Variants in GRIK2 observed in about 807,000 individuals in gnomAD.
The protein encoded by GRIK2 is glutamate ionotropic receptor kainate type subunit 2.
Under a neutral mutation model 100.3 loss-of-function variants are expected in GRIK2, and 32 were observed. The observed-to-expected ratio is 0.32, with a 90% confidence interval of 0.24 to 0.43. GRIK2 has a LOEUF of 0.43. GRIK2 is among the 20% of genes least tolerant of loss of function. The pLI is 1.00. For synonymous variants in GRIK2, 417 were observed against 389.4 expected (o/e 1.07, Z -0.83); for missense variants, 843 against 1,114.9 (o/e 0.76, Z 3.47).
chr6:101,717,562 A>G (rs1774159181), intron 7 of GRIK2, among the ~76,000 whole-genome samples: 1 of 151,822 alleles, frequency 6.6e-6, no homozygotes, highest in Admixed American at 6.6e-5. Flanking sequence ...GAATTAAGAT[A>G]TGGCTTTGCC....
chr6:101,956,216 C>T (rs1472984955), intron 14 of GRIK2, among the ~76,000 whole-genome samples: 2 of 151,776 alleles, frequency 1.3e-5, no homozygotes, highest in African/African-American at 4.8e-5. Flanking sequence ...TTGTTTTTAC[C>T]CTTTGGCCTA....
At chr6:101,732,899 G>A (rs1238138532) in intron 7 of GRIK2, among the ~76,000 whole-genome samples, 1 of 152,012 alleles carries the variant, frequency 6.6e-6, no homozygotes, top group African/African-American at 2.4e-5. Flanking sequence ...CCATACTGGA[G>A]AGAAAGAGAG....
At chr6:101,500,145 C>T (rs887016971) in intron 2 of GRIK2, among the ~76,000 whole-genome samples, 5 of 151,822 alleles carry the variant, frequency 3.3e-5, no homozygotes, top group South Asian at 2.1e-4. Context: ...GGATTAAAGG[C>T]CTTAAAGTAA....
chr6:101,968,228 A>G (rs948269753), intron 14 of GRIK2, among the ~76,000 whole-genome samples: 2 of 152,108 alleles, frequency 1.3e-5, no homozygotes, highest in Admixed American at 6.6e-5. Context: ...GAGAATTTTA[A>G]GGACATAAAC....
chr6:102,002,071 T>A (rs1364155128), intron 14 of GRIK2, among the ~76,000 whole-genome samples: 1 of 151,496 alleles, frequency 6.6e-6, no homozygotes, highest in Non-Finnish European at 1.5e-5. Flanking sequence ...TCCTTCAGGT[T>A]TTGTCTAAGC....
At chr6:101,416,105 A>C (rs1776127760) in intron 2 of GRIK2, among the ~76,000 whole-genome samples, 1 of 152,130 alleles carries the variant, frequency 6.6e-6, no homozygotes, top group African/African-American at 2.4e-5. Flanking sequence ...CTGTCTCTTC[A>C]AGGGTGGTTG....
At chr6:102,034,236 C>T (rs1418102558) in intron 14 of GRIK2, among the ~76,000 whole-genome samples, 2 of 151,236 alleles carry the variant, frequency 1.3e-5, no homozygotes, top group Non-Finnish European at 3.0e-5. Flanking sequence ...GTACTTATTT[C>T]CATTTTATCA....
intron 2 of GRIK2, among the ~76,000 whole-genome samples, chr6:101,571,629 A>C (rs1777535844): frequency 6.6e-6 from 1 of 152,118 alleles, no homozygotes; most frequent in Non-Finnish European, 1.5e-5. Context: ...TTTATAGCTT[A>C]ATAAATTAAA....
chr6:101,631,292 G>A (rs1436583233), intron 4 of GRIK2, among the ~76,000 whole-genome samples: 2 of 152,058 alleles, frequency 1.3e-5, no homozygotes, highest in Admixed American at 6.6e-5. Flanking sequence ...TCCAGAATAA[G>A]TTGTTCATAT....
chr6:101,874,065 T>C (rs1340664837), intron 11 of GRIK2, among the ~76,000 whole-genome samples: 1 of 152,202 alleles, frequency 6.6e-6, no homozygotes, highest in Admixed American at 6.5e-5. Flanking sequence ...ACTCTGATAG[T>C]AGTTTCTTTT....
At chr6:101,967,487 C>T (rs2128484724) in intron 14 of GRIK2, among the ~76,000 whole-genome samples, 1 of 152,026 alleles carries the variant, frequency 6.6e-6, no homozygotes, top group South Asian at 2.1e-4. Flanking sequence ...TTAAGAGATG[C>T]CACAATTTAA....
intron 2 of GRIK2, among the ~76,000 whole-genome samples, chr6:101,594,842 A>C (rs1778834235): frequency 6.6e-6 from 1 of 151,798 alleles, no homozygotes; most frequent in African/African-American, 2.4e-5. Context: ...GGTGAATTAC[A>C]GGGAATCAGA....
At chr6:102,051,821 T>C (rs1771215067) in intron 15 of GRIK2, among the ~76,000 whole-genome samples, 1 of 152,216 alleles carries the variant, frequency 6.6e-6, no homozygotes, top group African/African-American at 2.4e-5. Context: ...GACACATTTA[T>C]AATTTCCTTA....
chr6:101,871,534 C>A (rs1352797558), intron 11 of GRIK2, among the ~76,000 whole-genome samples: 2 of 150,894 alleles, frequency 1.3e-5, no homozygotes, highest in Non-Finnish European at 2.9e-5. Context: ...GCCCCCTTTG[C>A]CCCAACTCTA....
At chr6:102,043,394 G>T (rs1770702143) in intron 15 of GRIK2, among the ~76,000 whole-genome samples, 1 of 151,534 alleles carries the variant, frequency 6.6e-6, no homozygotes, top group South Asian at 2.1e-4. Context: ...TCTTATCTGA[G>T]ATTTTTTACC....
intron 11 of GRIK2, among the ~76,000 whole-genome samples, chr6:101,870,416 C>T (rs1204986404): frequency 6.6e-6 from 1 of 151,628 alleles, no homozygotes; most frequent in Non-Finnish European, 1.5e-5. Flanking sequence ...AGGAATATGC[C>T]ACAAATGGAT....
chr6:101,836,661 A>ATATTT (rs1246261796), intron 10 of GRIK2, among the ~76,000 whole-genome samples: 12 of 57,812 alleles, frequency 2.1e-4, no homozygotes, highest in Admixed American at 6.6e-4. Flanking sequence ...ATATATATAT[A>ATATTT]TTTTTTTTTT....
intron 2 of GRIK2, among the ~76,000 whole-genome samples, chr6:101,411,050 T>G (rs1362383582): frequency 6.6e-6 from 1 of 152,104 alleles, no homozygotes; most frequent in Non-Finnish European, 1.5e-5. Flanking sequence ...AGAATATTTT[T>G]GAATTTTTGC....
At chr6:101,435,199 A>G (rs1769644396) in intron 2 of GRIK2, among the ~76,000 whole-genome samples, 3 of 152,014 alleles carry the variant, frequency 2.0e-5, no homozygotes, top group African/African-American at 7.2e-5. Flanking sequence ...CAGTGTGACA[A>G]TGTCTTGCAC....
Sources: allele counts gnomAD v4.1 joint callset (sites outside exome capture counted in the v4.1 genomes callset), GRCh38; gene constraint gnomAD v4.1.1; transcripts MANE v1.5; gene names NCBI Gene and HGNC (gene_info 2026-07-23, HGNC 2026-07-21).